NSUN6: variants seen among roughly 807,000 people sequenced by gnomAD.
NSUN6 encodes tRNA (cytosine(72)-C(5))-methyltransferase NSUN6.
A neutral mutation model predicts 58.0 loss-of-function variants in NSUN6; 64 were observed. The ratio of observed to expected loss-of-function variants is 1.10; its 90% CI spans 0.90 to 1.36. The LOEUF is 1.36. Ranked by LOEUF, NSUN6 falls within the 40% of genes most tolerant of loss-of-function variation. The pLI, the probability that NSUN6 is intolerant of heterozygous loss-of-function variation, is 0.00. For synonymous variants in NSUN6, 231 were observed against 193.9 expected (o/e 1.19, Z -1.59); for missense variants, 701 against 550.1 (o/e 1.27, Z -2.74).
chr10:18,587,159 T>C (rs1415920245), intron 7 of NSUN6, among the ~76,000 whole-genome samples: 3 of 152,192 alleles, frequency 2.0e-5, no homozygotes, highest in Non-Finnish European at 4.4e-5. Context: ...GAAAGACACT[T>C]AAAAACATCC....
intron 3 of NSUN6, among the ~76,000 whole-genome samples, chr10:18,622,365 G>A (rs1333128204): frequency 6.6e-6 from 1 of 152,126 alleles, no homozygotes; most frequent in African/African-American, 2.4e-5. Flanking sequence ...CCAGCCTCCA[G>A]AACCATGAGA....
chr10:18,657,272 A>C (rs532785614), upstream of NSUN6, among the ~76,000 whole-genome samples: 7 of 152,306 alleles, frequency 4.6e-5, no homozygotes, highest in South Asian at 1.4e-3. Flanking sequence ...AGTTTGTAAA[A>C]ATTTTAGATT....
chr10:18,620,666 T>C (rs1163987874), intron 3 of NSUN6, among the ~76,000 whole-genome samples: 34 of 152,210 alleles, frequency 2.2e-4, no homozygotes, highest in Non-Finnish European at 4.4e-5. Context: ...TCAAATGAAA[T>C]AATATCTGCT....
intron 8 of NSUN6, among the ~76,000 whole-genome samples, chr10:18,555,323 A>G: frequency 6.6e-6 from 1 of 151,088 alleles, no homozygotes; most frequent in Admixed American, 6.6e-5. Flanking sequence ...AGTGGAATGG[A>G]GAATGGAATG....
At chr10:18,613,425 T>C (rs1244892386) in intron 5 of NSUN6, among the ~76,000 whole-genome samples, 1 of 152,144 alleles carries the variant, frequency 6.6e-6, no homozygotes, top group East Asian at 1.9e-4. Context: ...GGTTGCCTCC[T>C]AACTTCCACC....
At chr10:18,626,910 T>C (rs763272296) in intron 3 of NSUN6, among the ~76,000 whole-genome samples, 2 of 152,250 alleles carry the variant, frequency 1.3e-5, no homozygotes, top group African/African-American at 2.4e-5. Context: ...TCTGGCCTGC[T>C]TGAACTATTT....
chr10:18,589,541 C>T (rs547379072), intron 7 of NSUN6, among the ~76,000 whole-genome samples: 4 of 152,282 alleles, frequency 2.6e-5, no homozygotes, highest in Admixed American at 6.5e-5. Context: ...GGAAGCCCAT[C>T]GGACTAACAG....
At chr10:18,573,277 T>G (rs1220963201) in intron 8 of NSUN6, among the ~76,000 whole-genome samples, 1 of 151,230 alleles carries the variant, frequency 6.6e-6, no homozygotes, top group Admixed American at 6.6e-5. Flanking sequence ...CATTCCATTC[T>G]GCATACTCCA....
intron 7 of NSUN6, 31 bp from the exon 8 acceptor site, chr10:18,586,124 A>G (rs201867097): frequency 7.5e-6 from 11 of 1,467,982 alleles, no homozygotes; most frequent in East Asian, 2.4e-5. Context: ...CACATGCAGA[A>G]AAAAAAAAAG....
chr10:18,651,192 G>A lies in NSUN6; in HGVS notation c.12C>T (p.Phe4=), dbSNP rs771634457. Residue 4 remains phenylalanine, a synonymous_variant, in exon 1 of 11, where the codon TTC becomes TTT. Coordinates refer to ENST00000377304, the MANE Select transcript of NSUN6 (RefSeq NM_182543.5). Reference sequence around the variant, plus strand: ...CCTCAGGTCTCAAAGATATCTTAGGGAAAATAGACATTTTTCCTGTTGTTT... The same window carrying A: ...CCTCAGGTCTCAAAGATATCTTAGGAAAAATAGACATTTTTCCTGTTGTTT... MSI[F]PKISLRPEVE... is the part of the protein sequence containing the mutation. The A allele has an allele frequency of 1.3e-6, 2 of 1,565,538 alleles. No homozygotes were observed. Among genetic ancestry groups the A allele is most frequent in the East Asian group, 2.4e-5 (1 of 42,278 alleles).
intron 3 of NSUN6, among the ~76,000 whole-genome samples, chr10:18,637,466 A>G (rs1384475259): frequency 6.6e-6 from 1 of 152,260 alleles, no homozygotes; most frequent in African/African-American, 2.4e-5. Flanking sequence ...TAAATCATCC[A>G]TATATTTTAG....
intron 7 of NSUN6, among the ~76,000 whole-genome samples, chr10:18,586,710 C>T (rs2057161864): frequency 6.6e-6 from 1 of 152,192 alleles, no homozygotes; most frequent in South Asian, 2.1e-4. Flanking sequence ...GAGTCAGCGG[C>T]AGCAAGATTT....
At chr10:18,617,576 T>C (rs1205939452) in intron 3 of NSUN6, among the ~76,000 whole-genome samples, 1 of 152,164 alleles carries the variant, frequency 6.6e-6, no homozygotes. Flanking sequence ...TCCTAAACAA[T>C]AATCAGTTTT....
At chr10:18,644,945 G>A (rs983503911) in intron 2 of NSUN6, among the ~76,000 whole-genome samples, 2 of 151,898 alleles carry the variant, frequency 1.3e-5, no homozygotes, top group Non-Finnish European at 2.9e-5. Context: ...ATAACCTGAG[G>A]TTAGAGGTTT....
chr10:18,572,543 T>TCCCATTCCATTCCATTC (rs2056429586), intron 8 of NSUN6, among the ~76,000 whole-genome samples: 1 of 95,066 alleles, frequency 1.1e-5, no homozygotes, highest in African/African-American at 4.2e-5. Flanking sequence ...CCATTCCATT[T>TCCCATTCCATTCCATTC]TCCATTCCAT....
intron 8 of NSUN6, among the ~76,000 whole-genome samples, chr10:18,558,202 T>A (rs1288691882): frequency 4.8e-5 from 7 of 144,854 alleles, no homozygotes; most frequent in African/African-American, 1.8e-4. Context: ...TGGAATGCAA[T>A]GGAGAATGGA....
At chr10:18,548,392 G>C (rs1392508939) in intron 9 of NSUN6, among the ~76,000 whole-genome samples, 155 bp from the exon 10 acceptor site, 1 of 152,190 alleles carries the variant, frequency 6.6e-6, no homozygotes, top group Non-Finnish European at 1.5e-5. Flanking sequence ...GAGTATGCAA[G>C]AGCAACACTT....
At chr10:18,593,862 C>T (rs1185263224) in intron 7 of NSUN6, among the ~76,000 whole-genome samples, 1 of 145,184 alleles carries the variant, frequency 6.9e-6, no homozygotes, top group Non-Finnish European at 1.5e-5. Context: ...TATTGCAGAA[C>T]TTAAAGCACA....
intron 3 of NSUN6, among the ~76,000 whole-genome samples, chr10:18,628,403 G>C (rs1412317158): frequency 6.6e-6 from 1 of 152,228 alleles, no homozygotes; most frequent in African/African-American, 2.4e-5. Flanking sequence ...AAGCTGGATG[G>C]AGAATGACTT....
Sources: allele counts gnomAD v4.1 joint callset (sites outside exome capture counted in the v4.1 genomes callset), GRCh38; gene constraint gnomAD v4.1.1; transcripts MANE v1.5; gene names NCBI Gene and HGNC (gene_info 2026-07-23, HGNC 2026-07-21).